Variants in VPS45 observed in about 807,000 individuals in gnomAD.
VPS45 encodes the protein vacuolar protein sorting-associated protein 45.
VPS45 carries 35 observed loss-of-function variants against 75.9 expected under a neutral mutation model. The observed-to-expected ratio is 0.46, with a 90% CI of 0.35 to 0.61. VPS45 has a LOEUF of 0.61. Among genes scored for constraint, VPS45 ranks in the 20% least tolerant of loss-of-function variants. VPS45 has a pLI of 0.00. For synonymous variants in VPS45, 220 were observed against 238.2 expected (o/e 0.92, Z 0.70); for missense variants, 559 against 685.9 (o/e 0.81, Z 2.07).
chr1:150,096,645 A>G (rs966361799), intron 13 of VPS45, among the ~76,000 whole-genome samples: 8 of 152,216 alleles, frequency 5.3e-5, no homozygotes, highest in Non-Finnish European at 1.2e-4. Flanking sequence ...AAAAGTGACC[A>G]GGAAAGGAGG....
intron 8 of VPS45, 133 bp downstream of exon 8, chr1:150,081,609 C>A: frequency 9.2e-7 from 1 of 1,082,270 alleles, no homozygotes; most frequent in Non-Finnish European, 1.3e-6. Flanking sequence ...GCATAAACTG[C>A]CTCTGAAGGG....
chr1:150,077,510 A>G, intron 6 of VPS45, 159 bp from the exon 7 acceptor site: 1 of 684,668 alleles, frequency 1.5e-6, no homozygotes, highest in Non-Finnish European at 2.4e-6. Flanking sequence ...CTTAAATAGT[A>G]TGCTACTAAA....
intron 14 of VPS45, among the ~76,000 whole-genome samples, chr1:150,124,823 T>C (rs1658422827): frequency 6.6e-6 from 1 of 151,848 alleles, no homozygotes; most frequent in Admixed American, 6.6e-5. Flanking sequence ...CCTCCCAAAG[T>C]GCTGGGATTA....
chr1:150,083,324 AT>A (rs1655823795), intron 10 of VPS45: 1 of 152,832 alleles, frequency 6.5e-6, no homozygotes, highest in Non-Finnish European at 1.5e-5. Flanking sequence ...AAGTTTTTTC[AT>A]TATTGAAGAT....
chr1:150,081,550 T>C, intron 8 of VPS45, 74 bp downstream of exon 8: 1 of 1,505,092 alleles, frequency 6.6e-7, no homozygotes, highest in Non-Finnish European at 9.0e-7. Flanking sequence ...CTTGTTAGTA[T>C]AGGGGCAGGC....
intron 3 of VPS45, among the ~76,000 whole-genome samples, chr1:150,073,609 T>C (rs1655197179): frequency 1.3e-5 from 2 of 152,130 alleles, no homozygotes; most frequent in Non-Finnish European, 2.9e-5. Flanking sequence ...AATTAAACTT[T>C]CTATTTTGAA....
intron 3 of VPS45, among the ~76,000 whole-genome samples, chr1:150,075,191 C>G (rs1655309562): frequency 7.6e-6 from 1 of 131,980 alleles, no homozygotes; most frequent in Non-Finnish European, 1.6e-5. Context: ...AAGTAAGGTT[C>G]ACACATTGCT....
chr1:150,091,671 C>T (rs1553801927), intron 10 of VPS45, among the ~76,000 whole-genome samples: 1 of 152,166 alleles, frequency 6.6e-6, no homozygotes, highest in East Asian at 1.9e-4. Flanking sequence ...ACAACTTCAG[C>T]TATTGGAAAA....
chr1:150,102,718 G>A (rs1181949419), intron 13 of VPS45, among the ~76,000 whole-genome samples: 1 of 152,092 alleles, frequency 6.6e-6, no homozygotes, highest in Non-Finnish European at 1.5e-5. Context: ...GCCTTTTGTG[G>A]GAACATGGAT....
chr1:150,117,516 CT>C (rs1391829172), intron 14 of VPS45, among the ~76,000 whole-genome samples: 1 of 147,786 alleles, frequency 6.8e-6, no homozygotes, highest in African/African-American at 2.5e-5. Flanking sequence ...GAGTGAGACT[CT>C]GTCTCAAAAA....
chr1:150,068,600 A>G, intron 1 of VPS45, 30 bp from the exon 2 acceptor site: 1 of 1,488,572 alleles, frequency 6.7e-7, no homozygotes, highest in Non-Finnish European at 9.0e-7. Flanking sequence ...CTAGACTAGC[A>G]TACTTTTAGT....
intron 13 of VPS45, among the ~76,000 whole-genome samples, chr1:150,096,353 G>T (rs1656656016): frequency 6.6e-6 from 1 of 152,338 alleles, no homozygotes; most frequent in Middle Eastern, 3.4e-3. Flanking sequence ...AATTATTACA[G>T]AAGAGTATTA....
intron 13 of VPS45, chr1:150,110,182 C>T: frequency 4.2e-6 from 1 of 235,810 alleles, no homozygotes; most frequent in Non-Finnish European, 8.4e-6. Flanking sequence ...AGGCACTCTG[C>T]ACCCTCTTGA....
intron 14 of VPS45, among the ~76,000 whole-genome samples, chr1:150,111,965 TC>T (rs1553807257): frequency 6.6e-6 from 1 of 152,192 alleles, no homozygotes; most frequent in African/African-American, 2.4e-5. Context: ...AATCATTCAT[TC>T]ATTAAACAAA....
At chr1:150,103,518 A>T (rs1553805067) in intron 13 of VPS45, among the ~76,000 whole-genome samples, 1 of 152,192 alleles carries the variant, frequency 6.6e-6, no homozygotes. Flanking sequence ...CTATCCCTGT[A>T]TCTAGGTTTT....
chr1:150,085,341 G>A (rs782592307), intron 10 of VPS45, among the ~76,000 whole-genome samples: 3 of 152,072 alleles, frequency 2.0e-5, no homozygotes, highest in Non-Finnish European at 2.9e-5. Context: ...CATGTGGAAA[G>A]CAATTAGAAA....
chr1:150,091,971 CAG>C lies in VPS45; in HGVS notation c.1142_1143del (p.Glu381ValfsTer2), dbSNP rs1174476046. 1.2e-6 allele frequency: 2 copies of C among 1,613,888 alleles called. No individual in the cohort carries two copies. The highest frequency in any genetic ancestry group is 1.7e-6 in the Non-Finnish European group (2 of 1,179,960). On this transcript the variant is annotated frameshift_variant, in exon 11 of 15. Coordinates refer to ENST00000644510, the MANE Select transcript of VPS45 (RefSeq NM_007259.5). LOFTEE classifies it high-confidence loss of function. Reference sequence around the variant, plus strand: ...AGGCTTCTGCAGAACCCCAAAGTGACAGAGTTTGATGCTGCCCGCCTGGTGAT... The same window carrying C: ...AGGCTTCTGCAGAACCCCAAAGTGACAGTTTGATGCTGCCCGCCTGGTGAT...
chr1:150,115,892 A>G (rs144471270), intron 14 of VPS45, among the ~76,000 whole-genome samples: 2 of 152,328 alleles, frequency 1.3e-5, no homozygotes, highest in Non-Finnish European at 2.9e-5. Flanking sequence ...CCCTTGTTTA[A>G]TAACACTGGC....
chr1:150,077,598 A>T, intron 6 of VPS45, 71 bp from the exon 7 acceptor site: 2 of 1,063,550 alleles, frequency 1.9e-6, no homozygotes, highest in Non-Finnish European at 2.9e-6. Context: ...AGTGTTTATT[A>T]ATTTCCTATT....
Sources: allele counts gnomAD v4.1 joint callset (sites outside exome capture counted in the v4.1 genomes callset), GRCh38; gene constraint gnomAD v4.1.1; transcripts MANE v1.5; gene names NCBI Gene and HGNC (gene_info 2026-07-23, HGNC 2026-07-21).